POMZP3: variants seen among roughly 807,000 people sequenced by gnomAD.
POMZP3 encodes the protein POM121 and ZP3 fusion protein.
A neutral mutation model predicts 19.8 loss-of-function variants in POMZP3; 10 were observed. That is an observed-to-expected ratio of 0.51 (90% CI 0.31 to 0.86). POMZP3 has a LOEUF of 0.86. Ranked by LOEUF, POMZP3 falls within the 40% of genes least tolerant of loss-of-function variation. The pLI is 0.04. For synonymous variants in POMZP3, 57 were observed against 85.8 expected (o/e 0.66, Z 1.85); for missense variants, 152 against 228.1 (o/e 0.67, Z 2.15).
chr7:76,618,787 T>C (rs765743807), intron 3 of POMZP3, among the ~76,000 whole-genome samples: 21 of 151,608 alleles, frequency 1.4e-4, no homozygotes, highest in Non-Finnish European at 2.2e-4. Flanking sequence ...AGCTGAAGAA[T>C]TGTTAAAGAT....
At chr7:76,621,571 T>A (rs111975704) in intron 3 of POMZP3, among the ~76,000 whole-genome samples, 17 of 151,768 alleles carry the variant, frequency 1.1e-4, no homozygotes, top group East Asian at 3.9e-4. Flanking sequence ...CCCAGATGGT[T>A]AAGGCATTCT....
chr7:76,622,456 G>A (rs1815621129), intron 3 of POMZP3, among the ~76,000 whole-genome samples: 1 of 129,318 alleles, frequency 7.7e-6, no homozygotes, highest in Non-Finnish European at 1.6e-5. Flanking sequence ...TCAGCTCACT[G>A]CAACCTCCGC....
intron 3 of POMZP3, 44 bp downstream of exon 3, chr7:76,625,478 A>G (rs117684829): frequency 0.14 from 195,873 of 1,404,578 alleles, 25,550 homozygotes; most frequent in Middle Eastern, 0.23. Context: ...ATCCCATAGG[A>G]GTCCAAGCGG....
At position 76,613,507 on chromosome 7, in the gene POMZP3, CTTT is replaced by C. The variant is rs1193493149; in HGVS notation, c.346-1697_346-1695del. On this transcript the variant is annotated intron_variant, in intron 4 of 6. Transcript: ENST00000310842. ...ACCCTGTAAGCACTGCCCCCCTACC[CTTT>C]TTTTTTTTTTTTTTTCTGAGACGGA... Among the ~76,000 whole-genome samples the C allele has an allele frequency of 5.0e-4, 34 of 67,406 alleles. 8 individuals are homozygous for C. Among genetic ancestry groups the C allele is most frequent in the Non-Finnish European group, 8.9e-4 (30 of 33,764 alleles). The allele number at this position is 67,406 out of a possible 152,430, so 44.2% of individuals were successfully genotyped here.
intron 4 of POMZP3, among the ~76,000 whole-genome samples, chr7:76,613,194 C>T (rs1815175414): frequency 1.3e-5 from 1 of 74,480 alleles, no homozygotes; most frequent in Admixed American, 1.4e-4. Context: ...GGATTACAGG[C>T]GTGAGCCACT....
At position 76,626,771 on chromosome 7, in the gene POMZP3, A is replaced by G. The variant is rs1815924961; in HGVS notation, c.-215T>C. 5 of 1,267,922 alleles carry G rather than the reference A, an allele frequency of 3.9e-6. No homozygotes were observed. The highest frequency in any genetic ancestry group is 4.4e-5 in the Admixed American group (1 of 22,484). The allele number at this position is 1,267,922 out of a possible 1,614,324, so 78.5% of individuals were successfully genotyped here. A position where few individuals can be genotyped will look rare whatever the true frequency, so the allele number is the denominator to read the frequency against. ...GGGGAGAGAGGGGTAAAAGTGGTGA[A>G]CGCGATGGGTCGGCGGGGAGGGCGG... On this transcript the variant is annotated 5_prime_UTR_variant, in exon 1 of 7. Coordinates refer to ENST00000310842, the MANE Select transcript of POMZP3 (RefSeq NM_012230.5).
intron 3 of POMZP3, among the ~76,000 whole-genome samples, chr7:76,619,296 G>A (rs1189969853): frequency 1.3e-5 from 2 of 152,278 alleles, no homozygotes; most frequent in South Asian, 2.1e-4. Context: ...GCTGAGAGAG[G>A]AGAATCTCCT....
intron 4 of POMZP3, 58 bp from the exon 5 acceptor site, chr7:76,611,871 C>G (rs886883257): frequency 3.3e-6 from 5 of 1,506,616 alleles, no homozygotes; most frequent in East Asian, 2.3e-5. Context: ...GGGAGTTTAA[C>G]ACACCAGTTC....
chr7:76,624,391 TC>T (rs1420895877), intron 3 of POMZP3, among the ~76,000 whole-genome samples: 1 of 151,992 alleles, frequency 6.6e-6, no homozygotes, highest in Admixed American at 6.6e-5. Flanking sequence ...CAACTTCTTT[TC>T]TTTCTGTAAT....
intron 3 of POMZP3, among the ~76,000 whole-genome samples, chr7:76,623,985 TAA>T (rs1815715720): frequency 6.9e-6 from 1 of 144,268 alleles, no homozygotes; most frequent in Non-Finnish European, 1.5e-5. Context: ...AGAAGGCCAG[TAA>T]GTAGGAGAGA....
rs2480241 is a variant in POMZP3, at chr7:76,620,410, C to T, written c.228-2110G>A. On this transcript the variant is annotated intron_variant, in intron 3 of 6. Transcript: ENST00000310842. ...TTTGCAAACTTTTCAGATGAATGAA[C>T]GGTGAGCACACGTACCTTATTTTAG... 8.9e-3 allele frequency among the ~76,000 whole-genome samples: 1,153 copies of T among 128,972 alleles called. 10 individuals carry two copies. Among genetic ancestry groups the T allele is most frequent in the African/African-American group, 0.034 (1,081 of 31,846 alleles). The allele number at this position is 128,972 out of a possible 152,430, so 84.6% of individuals were successfully genotyped here. A position where few individuals can be genotyped will look rare whatever the true frequency, so the allele number is the denominator to read the frequency against.
chr7:76,622,845 G>C (rs1815643955), intron 3 of POMZP3, among the ~76,000 whole-genome samples: 1 of 151,582 alleles, frequency 6.6e-6, no homozygotes, highest in African/African-American at 2.4e-5. Flanking sequence ...TCAAACTCGA[G>C]CCCTTTTTCT....
At position 76,626,124 on chromosome 7, in the gene POMZP3, G is replaced by T. The variant is rs1274950194; in HGVS notation, c.-60C>A. ...TGATAACCATTCCAGCACACTGTGG[G>T]AAGTACCCCCGGACAGGAATACTGG... On this transcript the variant is annotated 5_prime_UTR_variant, in exon 2 of 7. Coordinates refer to ENST00000310842, the MANE Select transcript of POMZP3 (RefSeq NM_012230.5). The T allele has an allele frequency of 1.8e-5, 29 of 1,612,598 alleles. No individual in the cohort carries two copies. Among genetic ancestry groups the T allele is most frequent in the Non-Finnish European group, 2.2e-5 (26 of 1,179,292 alleles).
At chr7:76,611,163 T>C (rs1184628078) in intron 6 of POMZP3, among the ~76,000 whole-genome samples, 4 of 149,794 alleles carry the variant, frequency 2.7e-5, no homozygotes, top group Admixed American at 6.7e-5. Flanking sequence ...CCTGAGCCAC[T>C]ATGCCAAGCC....
intron 3 of POMZP3, among the ~76,000 whole-genome samples, chr7:76,619,798 C>T (rs1020952264): frequency 1.7e-5 from 2 of 119,612 alleles, no homozygotes; most frequent in Non-Finnish European, 3.4e-5. Flanking sequence ...GTGGGAGGAT[C>T]GCTTGAGCTC....
At chr7:76,622,796 C>G (rs1333778615) in intron 3 of POMZP3, among the ~76,000 whole-genome samples, 2 of 151,932 alleles carry the variant, frequency 1.3e-5, no homozygotes, top group South Asian at 2.1e-4. Context: ...CTACCTCAGC[C>G]TCTTAGAGTG....
At position 76,612,030 on chromosome 7, in the gene POMZP3, C is replaced by T. The variant is rs1422726653; in HGVS notation, c.346-217G>A. ...CCTGGCCAACATGGTGAAACCCCATCGCTACTAAAAATACAAAGTTAGCTG... is the reference window on the plus strand; with the variant it reads ...CCTGGCCAACATGGTGAAACCCCATTGCTACTAAAAATACAAAGTTAGCTG... On this transcript the variant is annotated intron_variant, in intron 4 of 6. Transcript: ENST00000310842. Among the ~76,000 whole-genome samples the T allele has an allele frequency of 8.0e-5, 12 of 149,478 alleles. No individual in the cohort carries two copies. In the East Asian group the frequency reaches 1.6e-3, roughly 19 times the overall value.
intron 6 of POMZP3, 83 bp from the exon 7 acceptor site, chr7:76,610,298 G>A: frequency 7.6e-7 from 1 of 1,324,306 alleles, no homozygotes; most frequent in Non-Finnish European, 1.1e-6. Flanking sequence ...GCCTCAGTGG[G>A]CTAAACTAAT....
intron 3 of POMZP3, 170 bp from the exon 4 acceptor site, chr7:76,618,470 A>G (rs1815370679): frequency 1.1e-6 from 1 of 940,950 alleles, no homozygotes; most frequent in Admixed American, 2.3e-5. Flanking sequence ...AAAAATACAA[A>G]AATTAGCTGG....
Sources: gnomAD v4.1 joint callset for allele counts (sites outside exome capture counted in the v4.1 genomes callset) on GRCh38, gnomAD v4.1.1 for gene constraint, MANE v1.5 for transcripts, NCBI Gene and HGNC (gene_info 2026-07-23, HGNC 2026-07-21) for gene names.